The following ZNF536 variants were observed in gnomAD, a reference collection of about 807,000 sequenced individuals.
ZNF536 encodes zinc finger protein 536.
Under a neutral mutation model 84.5 loss-of-function variants are expected in ZNF536, and 13 were observed. That is an observed-to-expected ratio of 0.15 (90% CI 0.10 to 0.24). The LOEUF is 0.24. ZNF536 is among the 10% of genes least tolerant of loss of function. ZNF536 has a pLI of 1.00. For synonymous variants in ZNF536, 811 were observed against 742.5 expected (o/e 1.09, Z -1.50); for missense variants, 1,536 against 1,747.5 (o/e 0.88, Z 2.16).
chr19:30,385,413 G>A (rs2049299043), intron 1 of ZNF536, among the ~76,000 whole-genome samples: 1 of 152,126 alleles, frequency 6.6e-6, no homozygotes, highest in African/African-American at 2.4e-5. Context: ...CCTGACGGGT[G>A]TCTCCCTGTG....
chr19:30,668,353 C>A (rs1039349726), intron 1 of ZNF536, among the ~76,000 whole-genome samples: 1 of 152,026 alleles, frequency 6.6e-6, no homozygotes, highest in East Asian at 1.9e-4. Context: ...ATCAGGGGCC[C>A]CTTCTAGAAT....
At chr19:30,686,004 T>C (rs2051164032) in intron 1 of ZNF536, among the ~76,000 whole-genome samples, 1 of 152,182 alleles carries the variant, frequency 6.6e-6, no homozygotes, top group African/African-American at 2.4e-5. Context: ...TGGCTGAAGA[T>C]GGGGCAGGGG....
At position 30,550,581 on chromosome 19, in the gene ZNF536, G is replaced by A. The variant is rs78214483; in HGVS notation, c.3895+1067G>A. ...GCAGGAAGGCAGGAAGGCAGGAAGG[G>A]AGGAGGGCAGGATGGAAAGAAGGAA... On this transcript the variant is annotated intron_variant, in intron 4 of 4. Coordinates refer to ENST00000355537, the MANE Select transcript of ZNF536 (RefSeq NM_014717.3). Among the ~76,000 whole-genome samples, 1,034 of 151,972 alleles carry A rather than the reference G, an allele frequency of 6.8e-3. 14 individuals carry two copies. Among genetic ancestry groups the A allele is most frequent in the African/African-American group, 0.023 (971 of 41,406 alleles).
At chr19:30,615,665 G>A (rs889204228) in intron 1 of ZNF536, among the ~76,000 whole-genome samples, 7 of 151,576 alleles carry the variant, frequency 4.6e-5, no homozygotes, top group Non-Finnish European at 1.0e-4. Context: ...AGAATTTTTC[G>A]GGGGTGGCAG....
At chr19:30,375,143 G>T (rs1382014944) in intron 1 of ZNF536, among the ~76,000 whole-genome samples, 1 of 150,578 alleles carries the variant, frequency 6.6e-6, no homozygotes, top group Non-Finnish European at 1.5e-5. Context: ...GCGCGGTCGC[G>T]GTGCAGGAAC....
Position 30,445,248 on chromosome 19 carries a change from G to A in ZNF536, c.1686G>A (p.Glu562=), listed in dbSNP as rs1052572627. The change falls in exon 2 of 5, where the codon GAG becomes GAA. Residue 562 remains glutamate (E), a synonymous_variant. Transcript: ENST00000355537. This position sits in a 1 kb window ranked among gnomAD's most constrained non-coding sequence, Gnocchi z 4.5. Reference sequence around the variant, plus strand: ...ACGCCGGGGTTCTGTTTGATAAGGAGAAGCGGGAGTACGTGTTAGTGGGAG... The same window carrying A: ...ACGCCGGGGTTCTGTTTGATAAGGAAAAGCGGGAGTACGTGTTAGTGGGAG... The part of the protein sequence containing the change: ...LANAGVLFDK[E]KREYVLVGAD... The A allele has an allele frequency of 6.2e-7, 1 of 1,614,204 alleles. No homozygotes were observed. The highest frequency in any genetic ancestry group is 1.3e-5 in the African/African-American group (1 of 75,072).
chr19:30,569,359 C>G (rs2046458397), intron 1 of ZNF536, among the ~76,000 whole-genome samples: 2 of 151,830 alleles, frequency 1.3e-5, no homozygotes, highest in South Asian at 4.2e-4. Flanking sequence ...CAGCCGTGTT[C>G]TTGGGGGAGG....
chr19:30,592,230 G>T (rs567925014), intron 1 of ZNF536, among the ~76,000 whole-genome samples: 2 of 152,150 alleles, frequency 1.3e-5, no homozygotes, highest in Admixed American at 1.3e-4. Flanking sequence ...TTATCCATTG[G>T]TGTTGTATAA....
intron 2 of ZNF536, among the ~76,000 whole-genome samples, chr19:30,476,986 G>C (rs2053876035): frequency 6.6e-6 from 1 of 151,810 alleles, no homozygotes; most frequent in Non-Finnish European, 1.5e-5. Flanking sequence ...ATGGGGTCTT[G>C]CTATGTTGTC....
At chr19:30,596,941 G>A (rs747506802) in intron 1 of ZNF536, among the ~76,000 whole-genome samples, 1 of 151,900 alleles carries the variant, frequency 6.6e-6, no homozygotes, top group South Asian at 2.1e-4. Flanking sequence ...TGACCTTTTC[G>A]GGGAGCCCAT....
intron 2 of ZNF536, among the ~76,000 whole-genome samples, chr19:30,532,995 G>A (rs2044907679): frequency 6.6e-6 from 1 of 152,256 alleles, no homozygotes; most frequent in Non-Finnish European, 1.5e-5. Flanking sequence ...ATGTGGATGA[G>A]CCTAACTTCC....
chr19:30,406,056 C>A (rs1251167418), intron 1 of ZNF536, among the ~76,000 whole-genome samples: 2 of 152,182 alleles, frequency 1.3e-5, no homozygotes, highest in Non-Finnish European at 2.9e-5. Flanking sequence ...GGATTACAGG[C>A]GTGAGCCACC....
intron 2 of ZNF536, among the ~76,000 whole-genome samples, chr19:30,318,371 C>T (rs1341684448): frequency 1.3e-5 from 2 of 152,208 alleles, no homozygotes; most frequent in Non-Finnish European, 2.9e-5. Context: ...GGGCAAACCA[C>T]ACGTAGGTCT....
intron 1 of ZNF536, among the ~76,000 whole-genome samples, chr19:30,643,658 A>AG (rs113800559): frequency 0.013 from 2,034 of 151,632 alleles, 48 homozygotes; most frequent in African/African-American, 0.046. Flanking sequence ...CAATTTCTGC[A>AG]GGGGGGGGTT....
chr19:30,480,463 C>T (rs912081773), intron 2 of ZNF536, among the ~76,000 whole-genome samples: 17 of 152,122 alleles, frequency 1.1e-4, no homozygotes, highest in Middle Eastern at 3.2e-3. Flanking sequence ...AAACCAAACA[C>T]CGGATGTTCT....
At chr19:30,572,216 T>A (rs1363894130) in intron 1 of ZNF536, among the ~76,000 whole-genome samples, 2 of 152,194 alleles carry the variant, frequency 1.3e-5, no homozygotes, top group Non-Finnish European at 2.9e-5. Flanking sequence ...GAAAAGGAAC[T>A]CTCCCTACTG....
At chr19:30,381,498 A>T (rs2049020930) in intron 1 of ZNF536, among the ~76,000 whole-genome samples, 1 of 152,310 alleles carries the variant, frequency 6.6e-6, no homozygotes, top group Middle Eastern at 3.4e-3. Flanking sequence ...GCATGGGAAG[A>T]TGGAGCCAGG....
At chr19:30,622,812 C>G (rs1188950676) in intron 1 of ZNF536, among the ~76,000 whole-genome samples, 1 of 152,114 alleles carries the variant, frequency 6.6e-6, no homozygotes, top group Non-Finnish European at 1.5e-5. Flanking sequence ...GACTCACCAC[C>G]TGCAGGCCAC....
chr19:30,661,934 G>A (rs2050136363), intron 1 of ZNF536, among the ~76,000 whole-genome samples: 1 of 152,136 alleles, frequency 6.6e-6, no homozygotes, highest in South Asian at 2.1e-4. Flanking sequence ...TGGAGATGGT[G>A]GGAGATCATT....
Sources: allele counts gnomAD v4.1 joint callset (sites outside exome capture counted in the v4.1 genomes callset), GRCh38; gene constraint gnomAD v4.1.1; non-coding constraint Gnocchi (gnomAD v3.1); transcripts MANE v1.5; gene names NCBI Gene and HGNC (gene_info 2026-07-23, HGNC 2026-07-21).